Variants in PHF19 observed in about 807,000 individuals in gnomAD.
The protein encoded by PHF19 is PHD finger protein 19, also known as polycomb like 3.
Under a neutral mutation model 79.8 loss-of-function variants are expected in PHF19, and 21 were observed. The ratio of observed to expected loss-of-function variants is 0.26; its 90% CI spans 0.19 to 0.38. The LOEUF is 0.38. PHF19 is among the 10% of genes least tolerant of loss of function. PHF19 has a pLI of 1.00. For missense variants in PHF19, 445 were observed against 744.2 expected (o/e 0.60, Z 4.68); for synonymous variants, 273 against 296.3 (o/e 0.92, Z 0.81).
chr9:120,875,646 T>C (rs1291111794), intron 1 of PHF19, among the ~76,000 whole-genome samples: 1 of 152,216 alleles, frequency 6.6e-6, no homozygotes. Flanking sequence ...CATTCATTCA[T>C]TCATTCACCC....
upstream of PHF19, among the ~76,000 whole-genome samples, chr9:120,895,256 G>A (rs2131604228): frequency 6.6e-6 from 1 of 152,194 alleles, no homozygotes; most frequent in Non-Finnish European, 1.5e-5. Flanking sequence ...TTTTCTCATT[G>A]GAATCCCAGA....
Position 120,860,918 on chromosome 9 carries a change from G to C in PHF19, c.1304+171C>G, listed in dbSNP as rs948346792. The C allele has an allele frequency of 2.0e-5, 12 of 593,312 alleles. No homozygotes were observed. Among genetic ancestry groups the C allele is most frequent in the Non-Finnish European group, 3.7e-5 (12 of 324,642 alleles). The allele number at this position is 593,312 out of a possible 1,614,324, so 36.8% of individuals were successfully genotyped here. ...AAGGTGGGGAGGGCTGGAGAAGAGGGGAGGGCTGTGGTGCTCTGGGAACAG... is the reference window on the plus strand; with the variant it reads ...AAGGTGGGGAGGGCTGGAGAAGAGGCGAGGGCTGTGGTGCTCTGGGAACAG... On this transcript the variant is annotated intron_variant, in intron 13 of 14. Transcript: ENST00000373896. This position sits in a 1 kb window ranked among gnomAD's most constrained non-coding sequence, Gnocchi z 4.1.
At chr9:120,892,921 G>C (rs1488686991) in intron 1 of PHF19, among the ~76,000 whole-genome samples, 1 of 152,224 alleles carries the variant, frequency 6.6e-6, no homozygotes, top group Non-Finnish European at 1.5e-5. Flanking sequence ...CAGGATGGTA[G>C]AGTGGAAAGC....
At chr9:120,872,957 C>G (rs1278237759) in intron 3 of PHF19, among the ~76,000 whole-genome samples, 1 of 152,132 alleles carries the variant, frequency 6.6e-6, no homozygotes, top group Non-Finnish European at 1.5e-5. Flanking sequence ...TCTCTAAAAC[C>G]AATAGTACTG....
chr9:120,893,405 C>T lies in PHF19; in HGVS notation c.42+1383G>A, dbSNP rs116136697. Among the ~76,000 whole-genome samples the T allele has an allele frequency of 5.5e-3, 839 of 152,322 alleles. 4 individuals carry two copies. The highest frequency in any genetic ancestry group is 0.019 in the African/African-American group (794 of 41,568). On this transcript the variant is annotated intron_variant, in intron 1 of 14. Coordinates refer to the PHF19 transcript ENST00000616568. ...TATAGCAGTGATGGCAGGTGGCTCC[C>T]TGTCTGAGTGTGGCTGCCCCATCAC...
At chr9:120,858,901 C>T (rs2045432755) in intron 14 of PHF19, among the ~76,000 whole-genome samples, 1 of 151,626 alleles carries the variant, frequency 6.6e-6, no homozygotes, top group African/African-American at 2.4e-5. Flanking sequence ...GGACAAGGCA[C>T]AGATTCAGAT....
chr9:120,895,955 A>G (rs1455815332), upstream of PHF19, among the ~76,000 whole-genome samples: 2 of 152,138 alleles, frequency 1.3e-5, no homozygotes, highest in African/African-American at 4.8e-5. Flanking sequence ...GCCTGGCCAA[A>G]TTATACACTT....
upstream of PHF19, among the ~76,000 whole-genome samples, chr9:120,877,610 C>G (rs940983877): frequency 3.9e-5 from 6 of 152,166 alleles, no homozygotes; most frequent in Admixed American, 6.5e-5. Flanking sequence ...GCGCAGGCAC[C>G]GGCGGACCCT....
Position 120,860,873 on chromosome 9 carries a change from A to AGC in PHF19, c.1304+215_1304+216insGC. 1 of 527,286 alleles carries AGC rather than the reference A, an allele frequency of 1.9e-6. No individual in the cohort carries two copies. The highest frequency in any genetic ancestry group is 3.5e-6 in the Non-Finnish European group (1 of 288,962). The allele number at this position is 527,286 out of a possible 1,614,324, so 32.7% of individuals were successfully genotyped here. On this transcript the variant is annotated intron_variant, in intron 13 of 14. Coordinates refer to ENST00000373896, the MANE Select transcript of PHF19 (RefSeq NM_015651.3). The surrounding 1 kb of genome is among the most constrained non-coding windows in gnomAD (Gnocchi z 4.1). The stretch of plus-strand genomic sequence containing the variant: ...TGAGCAAGCATCAAACAGCATGGTG[A>AGC]GTGTGGATAACCATGGGGCAAGGTG...
chr9:120,885,786 A>C (rs894382932), intron 1 of PHF19, among the ~76,000 whole-genome samples: 9 of 152,136 alleles, frequency 5.9e-5, no homozygotes, highest in Non-Finnish European at 1.2e-4. Context: ...TTATTTTAAA[A>C]TCCTTCTGTT....
chr9:120,869,835 G>A lies in PHF19; in HGVS notation c.465+10C>T. The A allele has an allele frequency of 6.2e-7, 1 of 1,612,872 alleles. No individual in the cohort carries two copies. The highest frequency in any genetic ancestry group is 8.5e-7 in the Non-Finnish European group (1 of 1,179,620). On this transcript the variant is annotated intron_variant, in intron 5 of 14. Coordinates refer to ENST00000373896, the MANE Select transcript of PHF19 (RefSeq NM_015651.3). This position sits in a 1 kb window ranked among gnomAD's most constrained non-coding sequence, Gnocchi z 5.8. ...GGAGAGGCAGGGACTGGGGAGGATG[G>A]AAGGCTCACCCGCACAGCCAGTGCG...
At chr9:120,897,635 A>AT (rs200206261), upstream of PHF19, among the ~76,000 whole-genome samples, 11 of 151,788 alleles carry the variant, frequency 7.2e-5, no homozygotes, top group African/African-American at 1.2e-4. Flanking sequence ...AACCTATCAA[A>AT]TTTTTTTTTA....
chr9:120,900,442 G>T, the PHF19 span, among the ~76,000 whole-genome samples: 1 of 152,206 alleles, frequency 6.6e-6, no homozygotes, highest in South Asian at 2.1e-4. Flanking sequence ...GTATGTGTTT[G>T]TATCTACTTT....
chr9:120,880,139 C>T (rs925549436), upstream of PHF19, among the ~76,000 whole-genome samples: 3 of 152,220 alleles, frequency 2.0e-5, no homozygotes, highest in East Asian at 1.9e-4. Flanking sequence ...AATTCAATGA[C>T]TCCACTCGTC....
Position 120,856,884 on chromosome 9 carries a change from GGCCAAGGGAAA to G in PHF19, c.*1049_*1059del, listed in dbSNP as rs1335271476. The G allele has an allele frequency of 6.5e-6, 1 of 152,716 alleles. No homozygotes were observed. Among genetic ancestry groups the G allele is most frequent in the Non-Finnish European group, 1.5e-5 (1 of 68,130 alleles). 9.5% of individuals were successfully genotyped at this position (152,716 alleles called of 1,614,324 possible). Reference sequence around the variant, plus strand: ...TTGCAGCACCTGGGCCCTGGAAGTGGGCCAAGGGAAAGCCAAGGGAGGAGCCAGCAGGCCCA... The same window carrying G: ...TTGCAGCACCTGGGCCCTGGAAGTGGGCCAAGGGAGGAGCCAGCAGGCCCA... On this transcript the variant is annotated 3_prime_UTR_variant, in exon 15 of 15. Transcript: ENST00000373896.
At chr9:120,868,801 G>A in intron 6 of PHF19, 1 of 1,009,988 alleles carries the variant, frequency 9.9e-7, no homozygotes, top group East Asian at 9.4e-5. Context: ...TTCTCGACCT[G>A]CCTCACCTCC....
Position 120,862,293 on chromosome 9 carries a change from C to A in PHF19, c.1131-288G>T, listed in dbSNP as rs566549721. ...GCCAGGATGAGGGGGCTCAGCTGAG[C>A]CAGGAGAGAGAGGGACCCCTCACAC... On this transcript the variant is annotated intron_variant, in intron 11 of 14. Coordinates refer to ENST00000373896, the MANE Select transcript of PHF19 (RefSeq NM_015651.3). The surrounding 1 kb of genome is among the most constrained non-coding windows in gnomAD (Gnocchi z 4.6). 6.6e-6 allele frequency among the ~76,000 whole-genome samples: 1 copy of A among 152,332 alleles called. No individual in the cohort carries two copies. The highest frequency in any genetic ancestry group is 2.1e-4 in the South Asian group (1 of 4,830).
At chr9:120,880,959 AAAAC>A (rs374459390), upstream of PHF19, among the ~76,000 whole-genome samples, 34 of 152,274 alleles carry the variant, frequency 2.2e-4, no homozygotes, top group Admixed American at 3.9e-4. Flanking sequence ...GACTTTCTCA[AAAAC>A]AAACAAACAA....
At chr9:120,881,824 C>T (rs1485027508), upstream of PHF19, among the ~76,000 whole-genome samples, 1 of 152,204 alleles carries the variant, frequency 6.6e-6, no homozygotes, top group African/African-American at 2.4e-5. Flanking sequence ...TGCAGTGGCA[C>T]GATCTCGGCT....
Sources: gnomAD v4.1 joint callset for allele counts (sites outside exome capture counted in the v4.1 genomes callset) on GRCh38, gnomAD v4.1.1 for gene constraint, Gnocchi (gnomAD v3.1) non-coding constraint, MANE v1.5 for transcripts, NCBI Gene and HGNC (gene_info 2026-07-23, HGNC 2026-07-21) for gene names.